The following NELL1 variants were observed in gnomAD, a reference collection of about 807,000 sequenced individuals.
The protein encoded by NELL1 is neural EGFL like 1, also known as protein kinase C-binding protein NELL1.
Under a neutral mutation model 107.4 loss-of-function variants are expected in NELL1, and 76 were observed. The observed-to-expected ratio is 0.71, with a 90% CI of 0.59 to 0.86. The LOEUF is 0.86. NELL1 is among the 40% of genes least tolerant of loss of function. NELL1 has a pLI of 0.00. For missense variants in NELL1, 1,024 were observed against 1,005.5 expected, an observed-to-expected ratio of 1.02 and a Z score of -0.25; for synonymous variants, 353 against 341.2, an observed-to-expected ratio of 1.03 and a Z score of -0.38.
intron 12 of NELL1, among the ~76,000 whole-genome samples, chr11:21,087,341 G>A (rs1399908386): frequency 2.0e-5 from 3 of 151,828 alleles, no homozygotes; most frequent in African/African-American, 4.8e-5. Flanking sequence ...TGTTTGAGTC[G>A]CCTTAGGTTT....
intron 15 of NELL1, among the ~76,000 whole-genome samples, chr11:21,468,822 A>T (rs551683608): frequency 6.6e-6 from 1 of 152,162 alleles, no homozygotes; most frequent in South Asian, 2.1e-4. Flanking sequence ...ATTGCCTTTC[A>T]TCTGAAAGCA....
intron 14 of NELL1, among the ~76,000 whole-genome samples, chr11:21,345,564 A>G (rs1850665540): frequency 6.6e-6 from 1 of 152,190 alleles, no homozygotes; most frequent in African/African-American, 2.4e-5. Flanking sequence ...TGGGACATGA[A>G]AACAGATCTT....
At chr11:21,198,106 A>T (rs1356963966) in intron 13 of NELL1, among the ~76,000 whole-genome samples, 2 of 152,184 alleles carry the variant, frequency 1.3e-5, no homozygotes, top group African/African-American at 2.4e-5. Flanking sequence ...GTTTCTTTCC[A>T]CATATGTCAG....
At position 20,927,447 on chromosome 11, in the gene NELL1, G is replaced by A. The variant is rs1850525009; in HGVS notation, c.894+5G>A. 1 of 1,606,574 alleles carries A rather than the reference G, an allele frequency of 6.2e-7. No individual in the cohort carries two copies. The highest frequency in any genetic ancestry group is 8.5e-7 in the Non-Finnish European group (1 of 1,178,474). On this transcript the variant is annotated splice_donor_5th_base_variant and intron_variant, in intron 8 of 19. Transcript: ENST00000357134. The stretch of plus-strand genomic sequence containing the variant: ...TGCAGGAACTGCACTTGCAAAGTAA[G>A]CCTCTTTGTAAATAAATACAGTAAA...
intron 4 of NELL1, among the ~76,000 whole-genome samples, chr11:20,859,553 C>G (rs1848940771): frequency 6.6e-6 from 1 of 152,148 alleles, no homozygotes; most frequent in Admixed American, 6.5e-5. Context: ...TTACACTAGT[C>G]TCCAGTGTTA....
At chr11:21,276,078 G>C (rs563725967) in intron 14 of NELL1, among the ~76,000 whole-genome samples, 7 of 152,126 alleles carry the variant, frequency 4.6e-5, no homozygotes. Flanking sequence ...AGGAAATAAA[G>C]GGTATTCAAT....
intron 13 of NELL1, among the ~76,000 whole-genome samples, chr11:21,126,513 T>A (rs1275830253): frequency 6.6e-6 from 1 of 152,182 alleles, no homozygotes; most frequent in Non-Finnish European, 1.5e-5. Context: ...TTGGGCAGAT[T>A]CTTTAAGTGC....
At chr11:20,782,216 T>C (rs909270174) in intron 2 of NELL1, among the ~76,000 whole-genome samples, 1 of 152,192 alleles carries the variant, frequency 6.6e-6, no homozygotes, top group Non-Finnish European at 1.5e-5. Context: ...CTATCTCTTT[T>C]CTCAACACTT....
At chr11:21,408,929 C>T (rs2133807448) in intron 15 of NELL1, among the ~76,000 whole-genome samples, 1 of 151,964 alleles carries the variant, frequency 6.6e-6, no homozygotes, top group Non-Finnish European at 1.5e-5. Flanking sequence ...AGTCAGGAAA[C>T]AACAGGTGCT....
At chr11:21,165,915 C>T (rs1001189672) in intron 13 of NELL1, among the ~76,000 whole-genome samples, 5 of 151,184 alleles carry the variant, frequency 3.3e-5, no homozygotes, top group African/African-American at 7.4e-5. Context: ...CTACAACACC[C>T]GGCTGATTTT....
At chr11:21,574,013 T>C (rs1002454780) in intron 19 of NELL1, among the ~76,000 whole-genome samples, 10 of 151,858 alleles carry the variant, frequency 6.6e-5, no homozygotes, top group African/African-American at 2.4e-4. Context: ...GACATCCTCA[T>C]GTGTCATTAA....
chr11:20,778,095 G>A (rs1856783144), intron 2 of NELL1, among the ~76,000 whole-genome samples: 1 of 152,202 alleles, frequency 6.6e-6, no homozygotes, highest in Non-Finnish European at 1.5e-5. Flanking sequence ...GCTGCAGTGA[G>A]TGCCCTCTTC....
chr11:21,226,350 A>C (rs1857892761), intron 13 of NELL1, among the ~76,000 whole-genome samples: 1 of 152,184 alleles, frequency 6.6e-6, no homozygotes. Context: ...TTCATGGTTT[A>C]GTTTCAGCCA....
intron 2 of NELL1, among the ~76,000 whole-genome samples, chr11:20,727,897 T>G (rs1229583174): frequency 6.6e-6 from 1 of 152,184 alleles, no homozygotes; most frequent in Non-Finnish European, 1.5e-5. Context: ...TCCACAGTGA[T>G]TGCACTAATT....
At chr11:21,059,198 C>T (rs1193940409) in intron 12 of NELL1, among the ~76,000 whole-genome samples, 1 of 151,038 alleles carries the variant, frequency 6.6e-6, no homozygotes, top group African/African-American at 2.4e-5. Flanking sequence ...ATTTTCTTAA[C>T]TCTCCATCTC....
chr11:21,174,640 A>G (rs1856675761), intron 13 of NELL1, among the ~76,000 whole-genome samples: 1 of 151,636 alleles, frequency 6.6e-6, no homozygotes. Flanking sequence ...TGAAGGAGGG[A>G]AGGAGGAGGA....
intron 2 of NELL1, among the ~76,000 whole-genome samples, chr11:20,703,631 G>A (rs541579505): frequency 2.0e-5 from 3 of 152,216 alleles, no homozygotes; most frequent in East Asian, 1.9e-4. Flanking sequence ...GCTTTCTCTT[G>A]TAGGCATTTA....
intron 2 of NELL1, among the ~76,000 whole-genome samples, chr11:20,775,284 T>C (rs1279898293): frequency 6.6e-6 from 1 of 152,222 alleles, no homozygotes; most frequent in African/African-American, 2.4e-5. Context: ...TATGATGCTG[T>C]ATGTACTATT....
chr11:21,122,599 A>C (rs1257341567), intron 13 of NELL1, among the ~76,000 whole-genome samples: 1 of 152,186 alleles, frequency 6.6e-6, no homozygotes, highest in South Asian at 2.1e-4. Context: ...GGCCAAAATG[A>C]AAGCTATAAA....
Sources: allele counts gnomAD v4.1 joint callset (sites outside exome capture counted in the v4.1 genomes callset), GRCh38; gene constraint gnomAD v4.1.1; transcripts MANE v1.5; gene names NCBI Gene and HGNC (gene_info 2026-07-23, HGNC 2026-07-21).